SLC24A3: variants seen among roughly 807,000 people sequenced by gnomAD.
SLC24A3 encodes the protein sodium/potassium/calcium exchanger 3.
In SLC24A3, 28 loss-of-function variants were observed where a neutral mutation model predicts 75.8. That is an observed-to-expected ratio of 0.37 (90% confidence interval 0.27 to 0.51). The LOEUF (loss-of-function observed/expected upper bound fraction) is 0.51. Ranked by LOEUF, SLC24A3 falls within the 20% of genes least tolerant of loss-of-function variation. SLC24A3 has a pLI of 0.94. For synonymous variants in SLC24A3, 372 were observed against 334.1 expected, an observed-to-expected ratio of 1.11 and a Z score of -1.24; for missense variants, 663 against 847.8, an observed-to-expected ratio of 0.78 and a Z score of 2.71.
intron 2 of SLC24A3, among the ~76,000 whole-genome samples, chr20:19,500,203 T>A (rs908886150): frequency 6.6e-6 from 1 of 152,184 alleles, no homozygotes; most frequent in Non-Finnish European, 1.5e-5. Flanking sequence ...CCTGAAATTG[T>A]TGAGAAAAAG....
chr20:19,263,600 C>T (rs1425873566), intron 1 of SLC24A3, among the ~76,000 whole-genome samples: 1 of 152,178 alleles, frequency 6.6e-6, no homozygotes, highest in African/African-American at 2.4e-5. Context: ...TGCATCAACC[C>T]CTCCTGGTCT....
chr20:19,275,836 T>G (rs1983469229), intron 1 of SLC24A3, among the ~76,000 whole-genome samples: 2 of 152,072 alleles, frequency 1.3e-5, no homozygotes, highest in African/African-American at 2.4e-5. Context: ...TGTCCCCTCT[T>G]CTTAGAGCCT....
At chr20:19,685,073 G>A (rs768269865) in intron 11 of SLC24A3, 27 bp from the exon 12 acceptor site, 3 of 1,580,550 alleles carry the variant, frequency 1.9e-6, no homozygotes, top group Admixed American at 3.5e-5. Context: ...CTCTGACCGT[G>A]GTAAGAGTGC....
intron 1 of SLC24A3, among the ~76,000 whole-genome samples, chr20:19,259,796 A>G (rs1440931231): frequency 6.6e-6 from 1 of 152,202 alleles, no homozygotes; most frequent in Admixed American, 6.5e-5. Context: ...ACCCACCACC[A>G]GGATTTCACC....
intron 2 of SLC24A3, among the ~76,000 whole-genome samples, chr20:19,437,992 T>G (rs1044279736): frequency 9.9e-5 from 15 of 152,192 alleles, no homozygotes; most frequent in Non-Finnish European, 1.8e-4. Context: ...TGAGTCTAAC[T>G]GCCAAGTGAG....
intron 9 of SLC24A3, among the ~76,000 whole-genome samples, chr20:19,678,535 G>C (rs1397754699): frequency 2.1e-5 from 3 of 140,010 alleles, no homozygotes; most frequent in Admixed American, 2.1e-4. Flanking sequence ...CCTCCCTCCC[G>C]GACGGGGCGG....
intron 2 of SLC24A3, among the ~76,000 whole-genome samples, chr20:19,317,140 C>T (rs1251983796): frequency 1.3e-5 from 2 of 152,142 alleles, no homozygotes; most frequent in African/African-American, 4.8e-5. Context: ...AAACTGGACT[C>T]CTTCCTTACA....
intron 2 of SLC24A3, among the ~76,000 whole-genome samples, chr20:19,407,484 G>A (rs1413581953): frequency 6.6e-6 from 1 of 152,178 alleles, no homozygotes; most frequent in African/African-American, 2.4e-5. Flanking sequence ...CGGACACAGA[G>A]GAGGGAAAAT....
intron 2 of SLC24A3, among the ~76,000 whole-genome samples, chr20:19,472,754 G>A (rs909961388): frequency 2.0e-5 from 3 of 152,162 alleles, no homozygotes; most frequent in South Asian, 2.1e-4. Flanking sequence ...CCCCACTACC[G>A]TTGCCTGAAA....
At chr20:19,555,261 G>C (rs1267701200) in intron 3 of SLC24A3, among the ~76,000 whole-genome samples, 5 of 152,158 alleles carry the variant, frequency 3.3e-5, no homozygotes, top group Non-Finnish European at 1.5e-5. Flanking sequence ...AGATAACAGT[G>C]AATGTCCCAG....
At chr20:19,517,451 C>T (rs1235406352) in intron 3 of SLC24A3, among the ~76,000 whole-genome samples, 2 of 152,152 alleles carry the variant, frequency 1.3e-5, no homozygotes, top group African/African-American at 4.8e-5. Flanking sequence ...CCCAGGATAC[C>T]CAGGAAGGTT....
intron 1 of SLC24A3, among the ~76,000 whole-genome samples, chr20:19,222,288 G>T (rs896874873): frequency 6.6e-6 from 1 of 151,970 alleles, no homozygotes; most frequent in Admixed American, 6.6e-5. Flanking sequence ...TTGTTCCTTT[G>T]TTTTGTCTTG....
At chr20:19,531,461 C>G (rs1343410950) in intron 3 of SLC24A3, among the ~76,000 whole-genome samples, 1 of 152,154 alleles carries the variant, frequency 6.6e-6, no homozygotes, top group African/African-American at 2.4e-5. Context: ...TTGACTGGAG[C>G]CCACTGTTTG....
chr20:19,274,274 A>G (rs935813397), intron 1 of SLC24A3, among the ~76,000 whole-genome samples: 1 of 151,916 alleles, frequency 6.6e-6, no homozygotes, highest in Non-Finnish European at 1.5e-5. Flanking sequence ...CCCACTGGAC[A>G]GGCTGTGGAA....
At chr20:19,371,006 C>A (rs2122356260) in intron 2 of SLC24A3, among the ~76,000 whole-genome samples, 1 of 152,262 alleles carries the variant, frequency 6.6e-6, no homozygotes, top group East Asian at 1.9e-4. Flanking sequence ...GCTTTCTTTT[C>A]TCTTTTCCAG....
intron 2 of SLC24A3, among the ~76,000 whole-genome samples, chr20:19,474,538 C>G (rs1427421046): frequency 6.6e-6 from 1 of 152,144 alleles, no homozygotes; most frequent in African/African-American, 2.4e-5. Flanking sequence ...CCAGTGCCAT[C>G]CATCATAGAG....
At chr20:19,419,349 G>T (rs1407014670) in intron 2 of SLC24A3, among the ~76,000 whole-genome samples, 1 of 151,024 alleles carries the variant, frequency 6.6e-6, no homozygotes, top group African/African-American at 2.4e-5. Context: ...CACAAATCAG[G>T]CAGTAAAAAG....
chr20:19,508,100 G>C (rs1988486303), intron 2 of SLC24A3, among the ~76,000 whole-genome samples: 1 of 152,202 alleles, frequency 6.6e-6, no homozygotes, highest in Admixed American at 6.5e-5. Context: ...GGCAGGGAAG[G>C]CTTTGTGAGA....
intron 15 of SLC24A3, among the ~76,000 whole-genome samples, chr20:19,700,453 CACATAAGTT>C (rs2032857259): frequency 6.6e-6 from 1 of 152,134 alleles, no homozygotes; most frequent in Non-Finnish European, 1.5e-5. Context: ...TCCCACTGTC[CACATAAGTT>C]ACATGTACCC....
Sources: allele counts gnomAD v4.1 joint callset (sites outside exome capture counted in the v4.1 genomes callset), GRCh38; gene constraint gnomAD v4.1.1; transcripts MANE v1.5; gene names NCBI Gene and HGNC (gene_info 2026-07-23, HGNC 2026-07-21).